PIAS4: variants seen among roughly 807,000 people sequenced by gnomAD.
The protein encoded by PIAS4 is protein inhibitor of activated STAT 4, also known as E3 SUMO-protein ligase PIAS4.
Under a neutral mutation model 58.0 loss-of-function variants are expected in PIAS4, and 7 were observed. The observed-to-expected ratio is 0.12, with a 90% confidence interval of 0.07 to 0.23. The LOEUF (loss-of-function observed/expected upper bound fraction) is 0.23. Ranked by LOEUF, PIAS4 falls within the 10% of genes least tolerant of loss-of-function variation. The pLI is 1.00. For missense variants in PIAS4, 550 were observed against 709.5 expected, an observed-to-expected ratio of 0.78 and a Z score of 2.55; for synonymous variants, 364 against 312.4, an observed-to-expected ratio of 1.17 and a Z score of -1.74.
At chr19:4,008,338 G>A (rs1282678589) in intron 1 of PIAS4, among the ~76,000 whole-genome samples, 1 of 152,038 alleles carries the variant, frequency 6.6e-6, no homozygotes, top group African/African-American at 2.4e-5. Flanking sequence ...TCCTGCCACC[G>A]TCCAGGTGGA....
Position 4,037,806 on chromosome 19 carries a change from CGAG to C in PIAS4, c.1467_1469del (p.Glu489del). 1.9e-6 allele frequency: 3 copies of C among 1,586,820 alleles called. No homozygotes were observed. The highest frequency in any genetic ancestry group is 8.6e-7 in the Non-Finnish European group (1 of 1,166,946). The stretch of plus-strand genomic sequence containing the variant: ...AGGAGGAGGAAGAGGAGGAGGAAGA[CGAG>C]GACGAAGAGGGGCCCCGGCCCAAGC... On this transcript the variant is annotated inframe_deletion, in exon 11 of 11. Transcript: ENST00000262971. The surrounding 1 kb of genome is among the most constrained non-coding windows in gnomAD (Gnocchi z 5.8).
At chr19:4,015,066 A>T (rs573315062) in intron 2 of PIAS4, among the ~76,000 whole-genome samples, 1 of 152,202 alleles carries the variant, frequency 6.6e-6, no homozygotes, top group African/African-American at 2.4e-5. Flanking sequence ...CCTCCTGGGG[A>T]GCAGGTTGGC....
intron 1 of PIAS4, among the ~76,000 whole-genome samples, chr19:4,012,179 G>A (rs1272310405): frequency 6.6e-6 from 1 of 151,924 alleles, no homozygotes; most frequent in Non-Finnish European, 1.5e-5. Context: ...GGGATGATCA[G>A]CAGATGTTTC....
Position 4,037,897 on chromosome 19 carries a change from T to C in PIAS4, c.*22T>C, listed in dbSNP as rs1479586260. 2 of 1,565,910 alleles carry C rather than the reference T, an allele frequency of 1.3e-6. No individual in the cohort carries two copies. The highest frequency in any genetic ancestry group is 2.3e-5 in the East Asian group (1 of 43,142). On this transcript the variant is annotated 3_prime_UTR_variant, in exon 11 of 11. Transcript: ENST00000262971. This position sits in a 1 kb window ranked among gnomAD's most constrained non-coding sequence, Gnocchi z 5.8. The stretch of plus-strand genomic sequence containing the variant: ...CTGACCCCGGCCGCACACTCGACTT[T>C]CCTGGTGCTCACCACGCAGAGGGGC...
intron 2 of PIAS4, among the ~76,000 whole-genome samples, chr19:4,023,491 A>C (rs571720868): frequency 6.6e-6 from 1 of 152,306 alleles, no homozygotes; most frequent in South Asian, 2.1e-4. Flanking sequence ...AAAACAAACA[A>C]AAACCAATGT....
At position 4,013,402 on chromosome 19, in the gene PIAS4, C is replaced by CGCCCAGCCCA; in HGVS notation, c.454+62_454+71dup. On this transcript the variant is annotated intron_variant, in intron 2 of 10. Coordinates refer to ENST00000262971, the MANE Select transcript of PIAS4 (RefSeq NM_015897.4). This position sits in a 1 kb window ranked among gnomAD's most constrained non-coding sequence, Gnocchi z 5.1. The stretch of plus-strand genomic sequence containing the variant: ...ACTGGAGGCTTCACCTAGGCCCCGT[C>CGCCCAGCCCA]GCCCAGCCCAGCCCAGCCACACAGC... 4 of 1,502,494 alleles carry CGCCCAGCCCA rather than the reference C, an allele frequency of 2.7e-6. No homozygotes were observed. Among genetic ancestry groups the CGCCCAGCCCA allele is most frequent in the Non-Finnish European group, 3.6e-6 (4 of 1,097,832 alleles). 93.1% of individuals were successfully genotyped at this position (1,502,494 alleles called of 1,614,324 possible).
Position 4,033,101 on chromosome 19 carries a change from C to G in PIAS4, c.909C>G (p.Val303=). Residue 303 remains valine (V), a splice_region_variant and synonymous_variant, in exon 8 of 11, where the codon GTC becomes GTG. Transcript: ENST00000262971. ...GTGTCTTCCGTTCCCTCCCCACAGT[C>G]AAGGAGAAGCTGCGCCTTGATCCTG... is the stretch of plus-strand genomic sequence containing the variant. ...VKHPELCKAL[V]KEKLRLDPDS... 6.2e-7 allele frequency: 1 copy of G among 1,611,608 alleles called. No homozygotes were observed. Among genetic ancestry groups the G allele is most frequent in the Non-Finnish European group, 8.5e-7 (1 of 1,179,506 alleles).
chr19:4,028,280 C>T, intron 4 of PIAS4, 93 bp downstream of exon 4: 2 of 969,732 alleles, frequency 2.1e-6, no homozygotes, highest in Non-Finnish European at 3.0e-6. Context: ...TTCTCAGTCT[C>T]CCCTGCTAAC....
intron 3 of PIAS4, 98 bp downstream of exon 3, chr19:4,024,218 C>G (rs2040140125): frequency 4.6e-6 from 4 of 862,952 alleles, no homozygotes. Context: ...CACTGCAGGC[C>G]TCGCTCGGGC....
rs575624470 is a variant in PIAS4 at position 4,016,477 on chromosome 19, C to T, written c.454+3128C>T. ...ACCTGTGCCCTTCAGCCTCTGAAGCCCTTGGGCCAGCATTGCCCAGGCCAC... is the reference window on the plus strand; with the variant it reads ...ACCTGTGCCCTTCAGCCTCTGAAGCTCTTGGGCCAGCATTGCCCAGGCCAC... On this transcript the variant is annotated intron_variant, in intron 2 of 10. Coordinates refer to ENST00000262971, the MANE Select transcript of PIAS4 (RefSeq NM_015897.4). Among the ~76,000 whole-genome samples, 4 of 152,352 alleles carry T rather than the reference C, an allele frequency of 2.6e-5. No individual in the cohort carries two copies. In the East Asian group the frequency reaches 7.7e-4, roughly 29 times the overall value.
intron 9 of PIAS4, among the ~76,000 whole-genome samples, chr19:4,036,784 A>G (rs915496681): frequency 6.7e-6 from 1 of 148,992 alleles, no homozygotes; most frequent in Non-Finnish European, 1.5e-5. Context: ...ACACACACAC[A>G]CACATCTATA....
Position 4,028,905 on chromosome 19 carries a change from C to T in PIAS4, c.802-26C>T, listed in dbSNP as rs762980010. Reference sequence around the variant, plus strand: ...CCCAACCCCGGCCCCGTCCTGCCAGCCCTGACCCCTTCCTTCTGTCCCCAG... The same window carrying T: ...CCCAACCCCGGCCCCGTCCTGCCAGTCCTGACCCCTTCCTTCTGTCCCCAG... On this transcript the variant is annotated intron_variant, in intron 6 of 10. Transcript: ENST00000262971. 4 of 1,611,958 alleles carry T rather than the reference C, an allele frequency of 2.5e-6. No individual in the cohort carries two copies. The Admixed American group carries it at 5.0e-5, about 20-fold the overall frequency.
intron 2 of PIAS4, among the ~76,000 whole-genome samples, chr19:4,015,031 T>G (rs1307851044): frequency 6.6e-6 from 1 of 152,180 alleles, no homozygotes; most frequent in African/African-American, 2.4e-5. Flanking sequence ...ACCTTTTTTC[T>G]CTTGCAGGAG....
Position 4,013,057 on chromosome 19 carries a change from G to C in PIAS4, c.162G>C (p.Leu54=). 1 of 1,613,536 alleles carries C rather than the reference G, an allele frequency of 6.2e-7. No individual in the cohort carries two copies. The highest frequency in any genetic ancestry group is 8.5e-7 in the Non-Finnish European group (1 of 1,179,986). ...QLVQFDCSPE[L]FKKIKELYET... is the part of the protein sequence containing the mutation. Reference sequence around the variant, plus strand: ...TGCAGTTTGACTGTAGCCCTGAGCTGTTCAAGAAGATCAAGGAGCTGTACG... The same window carrying C: ...TGCAGTTTGACTGTAGCCCTGAGCTCTTCAAGAAGATCAAGGAGCTGTACG... Residue 54 remains leucine, a synonymous_variant, in exon 2 of 11, where the codon CTG becomes CTC. Transcript: ENST00000262971. The surrounding 1 kb of genome is among the most constrained non-coding windows in gnomAD (Gnocchi z 5.1).
rs1267122521 is a variant in PIAS4 at position 4,037,890 on chromosome 19, T to C, written c.*15T>C. 2 of 1,566,218 alleles carry C rather than the reference T, an allele frequency of 1.3e-6. No individual in the cohort carries two copies. The highest frequency in any genetic ancestry group is 3.7e-5 in the Admixed American group (2 of 53,710). On this transcript the variant is annotated 3_prime_UTR_variant, in exon 11 of 11. Coordinates refer to ENST00000262971, the MANE Select transcript of PIAS4 (RefSeq NM_015897.4). This position sits in a 1 kb window ranked among gnomAD's most constrained non-coding sequence, Gnocchi z 5.8. Reference sequence around the variant, plus strand: ...CGGCCTGCTGACCCCGGCCGCACACTCGACTTTCCTGGTGCTCACCACGCA... The same window carrying C: ...CGGCCTGCTGACCCCGGCCGCACACCCGACTTTCCTGGTGCTCACCACGCA...
At position 4,031,659 on chromosome 19, in the gene PIAS4, C is replaced by T. The variant is rs987058353; in HGVS notation, c.908-1441C>T. On this transcript the variant is annotated intron_variant, in intron 7 of 10. Transcript: ENST00000262971. ...GCTTAACTCCTCAGTGACCAGAGCCCGCAGTGCTGGGGGCTGTGGGGTCAG... is the reference window on the plus strand; with the variant it reads ...GCTTAACTCCTCAGTGACCAGAGCCTGCAGTGCTGGGGGCTGTGGGGTCAG... 3.9e-4 allele frequency among the ~76,000 whole-genome samples: 59 copies of T among 152,194 alleles called. No individual in the cohort carries two copies. In the South Asian group the frequency reaches 4.8e-3, roughly 12 times the overall value.
chr19:4,027,635 T>G (rs1233556642), intron 3 of PIAS4, among the ~76,000 whole-genome samples: 1 of 148,648 alleles, frequency 6.7e-6, no homozygotes, highest in Non-Finnish European at 1.5e-5. Flanking sequence ...CAATCATAGC[T>G]TGCAGCCTGT....
At chr19:4,014,789 C>T (rs952841587) in intron 2 of PIAS4, among the ~76,000 whole-genome samples, 2 of 152,238 alleles carry the variant, frequency 1.3e-5, no homozygotes, top group Non-Finnish European at 2.9e-5. Context: ...CTGGCCCCCG[C>T]TCCCCTGCCC....
At position 4,033,593 on chromosome 19, in the gene PIAS4, C is replaced by G. The variant is rs1043174528; in HGVS notation, c.1142+13C>G. 15 of 1,590,900 alleles carry G rather than the reference C, an allele frequency of 9.4e-6. No individual in the cohort carries two copies. Among genetic ancestry groups the G allele is most frequent in the Non-Finnish European group, 1.3e-5 (15 of 1,169,434 alleles). On this transcript the variant is annotated intron_variant, in intron 9 of 10. Coordinates refer to ENST00000262971, the MANE Select transcript of PIAS4 (RefSeq NM_015897.4). ...TCATCATCGACGGGTGAGCCCGGGG[C>G]CCCGGGGAGGGCGGCCGGAGCCGGA...
Sources: allele counts gnomAD v4.1 joint callset (sites outside exome capture counted in the v4.1 genomes callset), GRCh38; gene constraint gnomAD v4.1.1; non-coding constraint Gnocchi (gnomAD v3.1); transcripts MANE v1.5; gene names NCBI Gene and HGNC (gene_info 2026-07-23, HGNC 2026-07-21).